The following APC variants were observed in gnomAD, a reference collection of about 807,000 sequenced individuals.
APC encodes APC regulator of Wnt signaling pathway.
In APC, 72 loss-of-function variants were observed where a neutral mutation model predicts 247.0. That is an observed-to-expected ratio of 0.29 (90% CI 0.24 to 0.35). The LOEUF (loss-of-function observed/expected upper bound fraction) is 0.35, where lower values mean the gene tolerates loss of function less well. Ranked by LOEUF, APC falls within the 10% of genes least tolerant of loss-of-function variation. The probability of loss-of-function intolerance (pLI) is 1.00; values close to 1 mark genes in which losing one functional copy is unlikely to be tolerated. For synonymous variants in APC, 1,254 were observed against 1,162.5 expected, an observed-to-expected ratio of 1.08 and a Z score of -1.60; for missense variants, 3,400 against 3,360.7, an observed-to-expected ratio of 1.01 and a Z score of -0.29.
At chr5:112,813,759 A>G (rs1762214618) in intron 8 of APC, among the ~76,000 whole-genome samples, 2 of 151,778 alleles carry the variant, frequency 1.3e-5, no homozygotes, top group African/African-American at 4.8e-5. Flanking sequence ...CTCTAAAAAA[A>G]AAAAAAGAAA....
chr5:112,813,517 G>A (rs1312895853), intron 8 of APC, among the ~76,000 whole-genome samples: 2 of 152,040 alleles, frequency 1.3e-5, no homozygotes, highest in East Asian at 1.9e-4. Context: ...AAATCCTGAC[G>A]AATCACTTAG....
At position 112,841,622 on chromosome 5, in the gene APC, A is replaced by G. The variant is rs767781213; in HGVS notation, c.6028A>G (p.Lys2010Glu). The change falls in exon 16 of 16, where the codon AAA (lysine) becomes GAA (glutamate). Residue 2010 changes from lysine to glutamate, a missense_variant. Transcript: ENST00000257430. This position sits in a 1 kb window ranked among gnomAD's most constrained non-coding sequence, Gnocchi z 4.6. ...SKPQASGYAPKSFHVEDTPVC... is the reference protein window; with the variant it reads ...SKPQASGYAPESFHVEDTPVC... ...ACCTCAAGCATCAGGCTATGCTCCT[A>G]AATCATTTCATGTTGAAGATACCCC... 9 of 1,613,320 alleles carry G rather than the reference A, an allele frequency of 5.6e-6. No homozygotes were observed. The highest frequency in any genetic ancestry group is 7.6e-6 in the Non-Finnish European group (9 of 1,179,236).
At chr5:112,713,475 C>T (rs181529962) in intron 1 of APC, among the ~76,000 whole-genome samples, 27 of 152,154 alleles carry the variant, frequency 1.8e-4, no homozygotes, top group African/African-American at 6.0e-4. Context: ...GCTTTAATTA[C>T]GAGGAGGCTG....
At chr5:112,741,755 G>T (rs757091072) in intron 1 of APC, among the ~76,000 whole-genome samples, 4 of 151,972 alleles carry the variant, frequency 2.6e-5, no homozygotes, top group African/African-American at 9.7e-5. Flanking sequence ...AAAACTCTGT[G>T]CACATTAAAC....
At chr5:112,753,967 T>G (rs983785347) in intron 1 of APC, among the ~76,000 whole-genome samples, 10 of 152,008 alleles carry the variant, frequency 6.6e-5, no homozygotes, top group Admixed American at 6.6e-4. Flanking sequence ...TCTTACTTGG[T>G]TAATCTTAAT....
At position 112,840,768 on chromosome 5, in the gene APC, C is replaced by T. The variant is rs2149933835; in HGVS notation, c.5174C>T (p.Ala1725Val). 6.2e-7 allele frequency: 1 copy of T among 1,613,914 alleles called. No individual in the cohort carries two copies. Among genetic ancestry groups the T allele is most frequent in the South Asian group, 1.1e-5 (1 of 91,082 alleles). The part of the protein sequence containing the change: ...DNKAEEGDIL[A>V]ECINSAMPKG... ...AAAGCAGAGGAAGGTGATATTCTTG[C>T]AGAATGCATTAATTCTGCTATGCCC... The change falls in exon 16 of 16, where the codon GCA (alanine) becomes GTA (valine). Residue 1725 changes from alanine (A) to valine (V), a missense_variant. Physicochemically the swap from Ala to Val is moderately conservative, Grantham distance 64. Around this residue, in one of 9 missense-constraint regions of APC, gnomAD observed 1,788 missense variants for 1,649.5 expected, o/e 1.08. Coordinates refer to ENST00000257430, the MANE Select transcript of APC (RefSeq NM_000038.6). This position sits in a 1 kb window ranked among gnomAD's most constrained non-coding sequence, Gnocchi z 4.1.
intron 9 of APC, 29 bp from the exon 10 acceptor site, chr5:112,818,936 AT>A (rs774749378): frequency 6.2e-7 from 1 of 1,612,090 alleles, no homozygotes. Flanking sequence ...TAAAGTCGTA[AT>A]TTTGTTTCTA....
chr5:112,783,861 C>A, intron 6 of APC: 1 of 305,990 alleles, frequency 3.3e-6, no homozygotes, highest in South Asian at 2.8e-5. Flanking sequence ...GTGAATAGTT[C>A]CATCAGAAAA....
At chr5:112,836,273 C>T (rs554211298) in intron 15 of APC, among the ~76,000 whole-genome samples, 234 of 150,916 alleles carry the variant, frequency 1.6e-3, no homozygotes, top group Non-Finnish European at 1.8e-3. Context: ...TTAGGTGATC[C>T]GCCCACCTCG....
Position 112,840,819 on chromosome 5 carries a change from G to A in APC, c.5225G>A (p.Arg1742His), listed in dbSNP as rs199775075. The change falls in exon 16 of 16, where the codon CGT becomes CAT. Residue 1742 changes from arginine to histidine, a missense_variant. By Grantham distance (29) the Arg-to-His change is conservative (BLOSUM62 0). Coordinates refer to ENST00000257430, the MANE Select transcript of APC (RefSeq NM_000038.6). This position sits in a 1 kb window ranked among gnomAD's most constrained non-coding sequence, Gnocchi z 4.1. ...AAAGGGAAAAGTCACAAGCCTTTCC[G>A]TGTGAAAAAGATAATGGACCAGGTC... Reference protein sequence around the residue: ...MPKGKSHKPFRVKKIMDQVQQ... With the variant: ...MPKGKSHKPFHVKKIMDQVQQ... The A allele has an allele frequency of 3.7e-5, 60 of 1,614,076 alleles. No homozygotes were observed. Among genetic ancestry groups the A allele is most frequent in the Middle Eastern group, 1.6e-4 (1 of 6,062 alleles).
At chr5:112,752,974 T>A (rs1315228724) in intron 1 of APC, among the ~76,000 whole-genome samples, 2 of 152,184 alleles carry the variant, frequency 1.3e-5, no homozygotes, top group African/African-American at 4.8e-5. Context: ...CATCCGGCTC[T>A]TTTTGTGGTT....
intron 14 of APC, among the ~76,000 whole-genome samples, chr5:112,833,180 A>ATT (rs35482005): frequency 5.9e-4 from 72 of 122,194 alleles, no homozygotes; most frequent in African/African-American, 2.0e-3. Context: ...TGCCTGGCTA[A>ATT]TTTTTTTTTT....
At chr5:112,784,517 T>G (rs1212142288) in intron 6 of APC, among the ~76,000 whole-genome samples, 1 of 152,232 alleles carries the variant, frequency 6.6e-6, no homozygotes, top group Non-Finnish European at 1.5e-5. Flanking sequence ...AATACTTACT[T>G]TAGGGCAGAA....
chr5:112,743,835 T>A (rs1417224120), intron 1 of APC, among the ~76,000 whole-genome samples: 9 of 152,206 alleles, frequency 5.9e-5, no homozygotes, highest in African/African-American at 2.2e-4. Flanking sequence ...TTATGAAGAC[T>A]CTGTCCTCAA....
In APC at chr5:112,827,177, A is replaced by G. The variant is rs770649674; in HGVS notation, c.1478A>G (p.Tyr493Cys). Residue 493 changes from tyrosine (Y) to cysteine (C), a missense_variant, in exon 12 of 16, where the codon TAC becomes TGC. Tyr to Cys is a radical substitution (Grantham distance 194). Transcript: ENST00000257430. ...CEMYGLTNDH[Y>C]SITLRRYAGM... ...ATGTATGGGCTTACTAATGACCACT[A>G]CAGTATTACACTAAGACGATATGCT... The G allele has an allele frequency of 2.5e-6, 4 of 1,613,742 alleles. No individual in the cohort carries two copies. Among genetic ancestry groups the G allele is most frequent in the African/African-American group, 1.3e-5 (1 of 74,910 alleles).
chr5:112,767,895 A>G (rs2149791649), intron 4 of APC, among the ~76,000 whole-genome samples: 1 of 152,164 alleles, frequency 6.6e-6, no homozygotes, highest in African/African-American at 2.4e-5. Context: ...AATACACATA[A>G]TTATTATATT....
Position 112,713,140 on chromosome 5 carries a change from C to T in APC, c.165+5258C>T, listed in dbSNP as rs374789980. ...GAGCCAGGATTGCATCACTGCACTC[C>T]AGCCTGGGTGACAGAGCGAGACTCC... On this transcript the variant is annotated intron_variant, in intron 1 of 13. Transcript: ENST00000507379. Among the ~76,000 whole-genome samples, 21 of 144,226 alleles carry T rather than the reference C, an allele frequency of 1.5e-4. No homozygotes were observed. In the East Asian group the frequency reaches 4.0e-3, roughly 27 times the overall value. 94.6% of individuals were successfully genotyped at this position (144,226 alleles called of 152,430 possible).
At chr5:112,828,813 A>G (rs1473223490) in intron 13 of APC, 43 bp from the exon 14 acceptor site, 6 of 1,394,598 alleles carry the variant, frequency 4.3e-6, no homozygotes, top group East Asian at 4.7e-5. Flanking sequence ...AGCAACTAGT[A>G]TGATTTTATG....
At chr5:112,763,081 A>G (rs999706403) in intron 2 of APC, among the ~76,000 whole-genome samples, 51 of 152,194 alleles carry the variant, frequency 3.4e-4, no homozygotes, top group African/African-American at 1.2e-3. Context: ...CTTTTTAAAA[A>G]TTGTTTGACC....
Sources: gnomAD v4.1 joint callset for allele counts (sites outside exome capture counted in the v4.1 genomes callset) on GRCh38, gnomAD v4.1.1 for gene constraint, gnomAD v4.1.1 regional missense constraint, Gnocchi (gnomAD v3.1) non-coding constraint, MANE v1.5 for transcripts, NCBI Gene and HGNC (gene_info 2026-07-23, HGNC 2026-07-21) for gene names.